TBC1D4: variants seen among roughly 807,000 people sequenced by gnomAD.
TBC1D4 encodes TBC (Tre-2, BUB2, CDC16) domain-containing protein.
A neutral mutation model predicts 142.5 loss-of-function variants in TBC1D4; 121 were observed. The ratio of observed to expected loss-of-function variants is 0.85; its 90% CI spans 0.73 to 0.99. TBC1D4 has a LOEUF of 0.99. TBC1D4 is among the 50% of genes least tolerant of loss of function. TBC1D4 has a pLI of 0.00. For synonymous variants in TBC1D4, 630 were observed against 628.2 expected (o/e 1.00, Z -0.04); for missense variants, 1,475 against 1,606.6 (o/e 0.92, Z 1.40).
chr13:75,446,857 C>G (rs1887306696), intron 1 of TBC1D4, among the ~76,000 whole-genome samples: 1 of 151,398 alleles, frequency 6.6e-6, no homozygotes. Context: ...TTTTAACAAA[C>G]AGGTGAAGTA....
At chr13:75,451,626 G>T (rs1461236519) in intron 1 of TBC1D4, among the ~76,000 whole-genome samples, 3 of 150,150 alleles carry the variant, frequency 2.0e-5, no homozygotes, top group African/African-American at 4.9e-5. Context: ...GATGTAGTGA[G>T]CTATGATTGC....
intron 1 of TBC1D4, among the ~76,000 whole-genome samples, chr13:75,401,979 C>T (rs190088271): frequency 6.6e-6 from 1 of 152,216 alleles, no homozygotes; most frequent in African/African-American, 2.4e-5. Context: ...ACTTCAAACA[C>T]AAACTCTGCT....
chr13:75,479,042 TAGC>T (rs1888728005), intron 1 of TBC1D4, among the ~76,000 whole-genome samples: 1 of 152,252 alleles, frequency 6.6e-6, no homozygotes, highest in South Asian at 2.1e-4. Context: ...TCAGCAGCTC[TAGC>T]AACGCTAGAC....
At chr13:75,470,221 C>G (rs1888342483) in intron 1 of TBC1D4, among the ~76,000 whole-genome samples, 1 of 152,098 alleles carries the variant, frequency 6.6e-6, no homozygotes, top group Admixed American at 6.6e-5. Context: ...ACCATAAAGT[C>G]TCTGTCACAA....
At chr13:75,312,416 G>GAAAAAAAAA (rs762306467) in intron 13 of TBC1D4, among the ~76,000 whole-genome samples, 7 of 125,746 alleles carry the variant, frequency 5.6e-5, no homozygotes, top group African/African-American at 2.0e-4. Context: ...CAATCTCTGG[G>GAAAAAAAAA]AAAAAAAAAA....
At chr13:75,317,793 T>C (rs1306233780) in intron 12 of TBC1D4, among the ~76,000 whole-genome samples, 1 of 152,204 alleles carries the variant, frequency 6.6e-6, no homozygotes, top group Admixed American at 6.5e-5. Flanking sequence ...GTATATTGTA[T>C]ATATACTCCC....
intron 14 of TBC1D4, among the ~76,000 whole-genome samples, chr13:75,308,675 C>T (rs1173939954): frequency 2.0e-5 from 3 of 152,056 alleles, no homozygotes; most frequent in Non-Finnish European, 2.9e-5. Context: ...ACCTCTTTTT[C>T]TGAGTTAGTT....
At position 75,288,993 on chromosome 13, in the gene TBC1D4, G is replaced by T. The variant is rs1427378976; in HGVS notation, c.3604C>A (p.Leu1202Met). 29 of 1,613,744 alleles carry T rather than the reference G, an allele frequency of 1.8e-5. No homozygotes were observed. The highest frequency in any genetic ancestry group is 2.4e-5 in the Non-Finnish European group (28 of 1,179,906). ...TTCAGTTGGCTATTGGCCCTCTCCA[G>T]CTTCTCCAAAGTTTCACTATCCTCA... ...SCEDSETLEKLERANSQLKRQ... is the reference protein window; with the variant it reads ...SCEDSETLEKMERANSQLKRQ... Residue 1202 changes from leucine to methionine, a missense_variant, in exon 20 of 21, where the codon CTG (leucine) becomes ATG (methionine). Transcript: ENST00000377636.
chr13:75,481,050 G>C (rs1053227428), intron 1 of TBC1D4, among the ~76,000 whole-genome samples: 1 of 152,160 alleles, frequency 6.6e-6, no homozygotes, highest in Non-Finnish European at 1.5e-5. Context: ...TGCTGTAGCC[G>C]GCCGGCCGCT....
chr13:75,390,927 G>A (rs991693285), intron 1 of TBC1D4, among the ~76,000 whole-genome samples: 5 of 150,518 alleles, frequency 3.3e-5, no homozygotes, highest in African/African-American at 1.2e-4. Flanking sequence ...CATATCCAAA[G>A]AGAGCTTCCA....
chr13:75,395,915 C>T (rs1313118935), intron 1 of TBC1D4, among the ~76,000 whole-genome samples: 1 of 152,138 alleles, frequency 6.6e-6, no homozygotes. Flanking sequence ...AGTTGTTGTG[C>T]CCCTCCCATT....
chr13:75,354,823 G>T lies in TBC1D4; in HGVS notation c.1275+1324C>A, dbSNP rs76480939. Among the ~76,000 whole-genome samples, 941 of 152,198 alleles carry T rather than the reference G, an allele frequency of 6.2e-3. 6 individuals are homozygous for T. The highest frequency in any genetic ancestry group is 0.02 in the African/African-American group (821 of 41,504). The stretch of plus-strand genomic sequence containing the variant: ...GCTTTCTTTCTCTTTCTTCCCCCGG[G>T]TGTTTATCCAACCTGCCTTTCACTG... On this transcript the variant is annotated intron_variant, in intron 4 of 20. Transcript: ENST00000377636.
In TBC1D4 at chr13:75,342,698, CCATT is replaced by C; in HGVS notation, c.1409-1115_1409-1112del. Among the ~76,000 whole-genome samples, 2 of 151,722 alleles carry C rather than the reference CCATT, an allele frequency of 1.3e-5. 1 individual carries two copies. On this transcript the variant is annotated intron_variant, in intron 5 of 20. Coordinates refer to ENST00000377636, the MANE Select transcript of TBC1D4 (RefSeq NM_014832.5). ...TTCATATTTGCAGTAATTCAACAGA[CCATT>C]CATTTTTAAAGAACAGATTTCTCTT...
At chr13:75,338,299 A>T (rs917903197) in intron 7 of TBC1D4, among the ~76,000 whole-genome samples, 15 of 152,110 alleles carry the variant, frequency 9.9e-5, no homozygotes, top group African/African-American at 3.4e-4. Flanking sequence ...AAAAAAAAAC[A>T]ATGGGTATAC....
chr13:75,375,808 G>C (rs922312076), intron 1 of TBC1D4: 6 of 130,528 alleles, frequency 4.6e-5, no homozygotes, highest in African/African-American at 1.8e-4. Flanking sequence ...TCTTATTTAA[G>C]GAAGGTTTCT....
chr13:75,293,530 T>C (rs1317765489), intron 18 of TBC1D4, among the ~76,000 whole-genome samples: 2 of 152,166 alleles, frequency 1.3e-5, no homozygotes, highest in Non-Finnish European at 2.9e-5. Flanking sequence ...CACTATTCTC[T>C]GGGAAGAAAA....
intron 10 of TBC1D4, among the ~76,000 whole-genome samples, chr13:75,325,433 A>G (rs1338537516): frequency 6.6e-6 from 1 of 151,842 alleles, no homozygotes; most frequent in African/African-American, 2.4e-5. Context: ...TTTCTCTCCA[A>G]CGAGCATCTT....
At chr13:75,407,917 C>T (rs1218781352) in intron 1 of TBC1D4, among the ~76,000 whole-genome samples, 3 of 151,634 alleles carry the variant, frequency 2.0e-5, no homozygotes, top group Admixed American at 6.6e-5. Flanking sequence ...AAATGGGGAA[C>T]GAGCCGGGAA....
rs1372076699 is a variant in TBC1D4, at chr13:75,285,181, G to GCACACTGAGCTATAACAAGTCATTATATA, written c.*1582_*1610dup. On this transcript the variant is annotated 3_prime_UTR_variant, in exon 21 of 21. Transcript: ENST00000377636. Reference sequence around the variant, plus strand: ...TTTAAGAAACTGTATGGATTCAAGGGCACACTGAGCTATAACAAGTCATTA... The same window carrying GCACACTGAGCTATAACAAGTCATTATATA: ...TTTAAGAAACTGTATGGATTCAAGGGCACACTGAGCTATAACAAGTCATTATATACACACTGAGCTATAACAAGTCATTA... 16 of 152,220 alleles carry GCACACTGAGCTATAACAAGTCATTATATA rather than the reference G, an allele frequency of 1.1e-4. No individual in the cohort carries two copies. The highest frequency in any genetic ancestry group is 3.9e-4 in the African/African-American group (16 of 41,548). The allele number at this position is 152,220 out of a possible 1,614,324, so 9.4% of individuals were successfully genotyped here.
Sources: allele counts gnomAD v4.1 joint callset (sites outside exome capture counted in the v4.1 genomes callset), GRCh38; gene constraint gnomAD v4.1.1; transcripts MANE v1.5; gene names NCBI Gene and HGNC (gene_info 2026-07-23, HGNC 2026-07-21).